The following BICC1 variants were observed in gnomAD, a reference collection of about 807,000 sequenced individuals.
BICC1 encodes the protein protein bicaudal C homolog 1.
In BICC1, 43 loss-of-function variants were observed where a neutral mutation model predicts 111.0. That is an observed-to-expected ratio of 0.39 (90% CI 0.30 to 0.50). The LOEUF (loss-of-function observed/expected upper bound fraction) is 0.50. BICC1 is among the 20% of genes least tolerant of loss of function. BICC1 has a pLI of 0.88. For synonymous variants in BICC1, 467 were observed against 434.4 expected, an observed-to-expected ratio of 1.07 and a Z score of -0.93; for missense variants, 1,091 against 1,203.2, an observed-to-expected ratio of 0.91 and a Z score of 1.38.
chr10:58,789,860 A>G lies in BICC1; in HGVS notation c.974A>G (p.Asn325Ser), dbSNP rs144147641. Residue 325 changes from asparagine to serine, a missense_variant, in exon 8 of 21, where the codon AAT becomes AGT. Physicochemically the swap from Asn to Ser is conservative, Grantham distance 46. Coordinates refer to ENST00000373886, the MANE Select transcript of BICC1 (RefSeq NM_001080512.3). ...CAGATCCACTTTCCTGATCCCAGTA[A>G]TCCACAAAAGAAATCTACCGTCTAC... Reference protein sequence around the residue: ...GAQIHFPDPSNPQKKSTVYLQ... With the variant: ...GAQIHFPDPSSPQKKSTVYLQ... 968 of 1,614,162 alleles carry G rather than the reference A, an allele frequency of 6.0e-4. 1 individual carries two copies. The highest frequency in any genetic ancestry group is 1.5e-3 in the Admixed American group (88 of 60,022).
chr10:58,517,936 CTTTAG>C (rs1388442407), intron 1 of BICC1, among the ~76,000 whole-genome samples: 1 of 152,102 alleles, frequency 6.6e-6, no homozygotes, highest in African/African-American at 2.4e-5. Flanking sequence ...ATATTGGAAA[CTTTAG>C]TTTGGTCTTA....
At chr10:58,574,625 T>C (rs1418567632) in intron 1 of BICC1, among the ~76,000 whole-genome samples, 3 of 152,152 alleles carry the variant, frequency 2.0e-5, no homozygotes, top group Non-Finnish European at 4.4e-5. Context: ...TTGTTGAGGA[T>C]CCCAAAAGAG....
intron 3 of BICC1, among the ~76,000 whole-genome samples, chr10:58,783,295 G>A (rs1842928123): frequency 6.6e-6 from 1 of 152,120 alleles, no homozygotes; most frequent in South Asian, 2.1e-4. Flanking sequence ...TCTGAAGCTT[G>A]GTGCACTGTT....
intron 3 of BICC1, among the ~76,000 whole-genome samples, chr10:58,748,445 G>C (rs1323235022): frequency 1.3e-5 from 2 of 151,260 alleles, no homozygotes; most frequent in Non-Finnish European, 2.9e-5. Flanking sequence ...TCTCCAGTAA[G>C]ATTCATATGA....
chr10:58,540,950 G>A lies in BICC1; in HGVS notation c.190+27617G>A, dbSNP rs186717982. Among the ~76,000 whole-genome samples the A allele has an allele frequency of 9.8e-4, 149 of 152,152 alleles. No individual in the cohort carries two copies. The Middle Eastern group carries it at 0.017, about 17-fold the overall frequency. Reference sequence around the variant, plus strand: ...GATATGTTAACAGAATGAAGGAAATGTAACACATGATCATCTCAATTGATG... The same window carrying A: ...GATATGTTAACAGAATGAAGGAAATATAACACATGATCATCTCAATTGATG... On this transcript the variant is annotated intron_variant, in intron 1 of 20. Coordinates refer to ENST00000373886, the MANE Select transcript of BICC1 (RefSeq NM_001080512.3).
intron 3 of BICC1, among the ~76,000 whole-genome samples, chr10:58,711,746 T>TC (rs1304484748): frequency 3.3e-5 from 5 of 152,130 alleles, no homozygotes; most frequent in Non-Finnish European, 5.9e-5. Context: ...GAAAATGGTC[T>TC]CAGCTTTTCA....
chr10:58,804,621 C>A (rs1023805587), intron 15 of BICC1, among the ~76,000 whole-genome samples: 5 of 152,156 alleles, frequency 3.3e-5, no homozygotes, highest in African/African-American at 9.7e-5. Flanking sequence ...AATATCAAAT[C>A]CCCTTTATAA....
At chr10:58,629,966 A>G (rs1218470947) in intron 2 of BICC1, among the ~76,000 whole-genome samples, 3 of 152,152 alleles carry the variant, frequency 2.0e-5, no homozygotes, top group African/African-American at 4.8e-5. Context: ...TATAGCTCCT[A>G]CCTTGCTGCA....
At chr10:58,607,268 A>C (rs1398995476) in intron 1 of BICC1, among the ~76,000 whole-genome samples, 1 of 139,988 alleles carries the variant, frequency 7.1e-6, no homozygotes, top group East Asian at 2.2e-4. Context: ...GTGAGCCGAG[A>C]TTGTGCCATG....
chr10:58,597,820 G>T (rs1452258727), intron 1 of BICC1, among the ~76,000 whole-genome samples: 1 of 151,798 alleles, frequency 6.6e-6, no homozygotes, highest in Non-Finnish European at 1.5e-5. Context: ...GGCTCTTTTT[G>T]CCCAACCCCG....
At chr10:58,598,586 C>T (rs1034890445) in intron 1 of BICC1, among the ~76,000 whole-genome samples, 1 of 152,050 alleles carries the variant, frequency 6.6e-6, no homozygotes, top group Non-Finnish European at 1.5e-5. Context: ...CCATTCAGGA[C>T]ATAGGCATGG....
At chr10:58,548,266 A>G (rs1359856600) in intron 1 of BICC1, among the ~76,000 whole-genome samples, 1 of 152,228 alleles carries the variant, frequency 6.6e-6, no homozygotes, top group African/African-American at 2.4e-5. Context: ...ACTCCAGTAT[A>G]CAGTATAATA....
At chr10:58,726,251 TTAATAA>T (rs1030184271) in intron 3 of BICC1, among the ~76,000 whole-genome samples, 179 of 152,228 alleles carry the variant, frequency 1.2e-3, no homozygotes, top group Non-Finnish European at 2.1e-3. Flanking sequence ...TTAACCAGTT[TTAATAA>T]TAATAATAAT....
chr10:58,735,900 T>G (rs180949481), intron 3 of BICC1, among the ~76,000 whole-genome samples: 1 of 152,210 alleles, frequency 6.6e-6, no homozygotes, highest in Admixed American at 6.6e-5. Flanking sequence ...GATCTCCTCC[T>G]AAAATTGTCC....
At chr10:58,548,280 A>C (rs1033097693) in intron 1 of BICC1, among the ~76,000 whole-genome samples, 2 of 152,192 alleles carry the variant, frequency 1.3e-5, no homozygotes, top group Non-Finnish European at 2.9e-5. Flanking sequence ...TATAATAGTG[A>C]TTTTAGAATT....
At chr10:58,579,953 TATTAC>T (rs1316677779) in intron 1 of BICC1, among the ~76,000 whole-genome samples, 2 of 143,144 alleles carry the variant, frequency 1.4e-5, no homozygotes, top group African/African-American at 5.0e-5. Context: ...GAAATAATTA[TATTAC>T]ATTTTGCCCT....
chr10:58,792,357 AG>A (rs1245002832), intron 8 of BICC1, among the ~76,000 whole-genome samples: 1 of 152,194 alleles, frequency 6.6e-6, no homozygotes, highest in Non-Finnish European at 1.5e-5. Flanking sequence ...TAGGTTAAGT[AG>A]GATTTATATT....
intron 11 of BICC1, 72 bp from the exon 12 acceptor site, chr10:58,798,984 T>G (rs1843448391): frequency 2.5e-6 from 3 of 1,180,182 alleles, no homozygotes; most frequent in Non-Finnish European, 3.5e-6. Flanking sequence ...AATGATATTT[T>G]TATTGTTAAT....
rs35500718 is a variant in BICC1 at position 58,814,618 on chromosome 10, T to TA, written c.2533+652dup. ...CAACATAGTGAGATTTCATCTCTACTAAAAAAAAAAAAAAAAAAAACAAGA... is the reference window on the plus strand; with the variant it reads ...CAACATAGTGAGATTTCATCTCTACTAAAAAAAAAAAAAAAAAAAAACAAGA... On this transcript the variant is annotated intron_variant, in intron 18 of 20. Coordinates refer to ENST00000373886, the MANE Select transcript of BICC1 (RefSeq NM_001080512.3). Among the ~76,000 whole-genome samples, 647 of 114,714 alleles carry TA rather than the reference T, an allele frequency of 5.6e-3. 14 individuals are homozygous for TA. Among genetic ancestry groups the TA allele is most frequent in the Admixed American group, 0.019 (212 of 11,194 alleles). The allele number at this position is 114,714 out of a possible 152,430, so 75.3% of individuals were successfully genotyped here.
Sources: gnomAD v4.1 joint callset for allele counts (sites outside exome capture counted in the v4.1 genomes callset) on GRCh38, gnomAD v4.1.1 for gene constraint, MANE v1.5 for transcripts, NCBI Gene and HGNC (gene_info 2026-07-23, HGNC 2026-07-21) for gene names.